The following CDHR1 variants were observed in gnomAD, a reference collection of about 807,000 sequenced individuals.
The protein encoded by CDHR1 is cadherin related family member 1, also known as cadherin-related family member 1.
CDHR1 carries 61 observed loss-of-function variants against 72.1 expected under a neutral mutation model. That is an observed-to-expected ratio of 0.85 (90% CI 0.69 to 1.05). The LOEUF (loss-of-function observed/expected upper bound fraction) is 1.05, where lower values mean the gene tolerates loss of function less well. Among genes scored for constraint, CDHR1 ranks in the 50% least tolerant of loss-of-function variants. CDHR1 has a pLI of 0.00. For missense variants in CDHR1, 1,186 were observed against 1,115.7 expected, an observed-to-expected ratio of 1.06 and a Z score of -0.90; for synonymous variants, 470 against 448.1, an observed-to-expected ratio of 1.05 and a Z score of -0.62.
In CDHR1 at chr10:84,216,433, A is replaced by G. The variant is rs765683159; in HGVS notation, c.*1812A>G. The G allele has an allele frequency of 2.3e-5, 23 of 985,390 alleles. No individual in the cohort carries two copies. Among genetic ancestry groups the G allele is most frequent in the Non-Finnish European group, 2.7e-5 (22 of 829,956 alleles). The allele number at this position is 985,390 out of a possible 1,614,324, so 61.0% of individuals were successfully genotyped here. On this transcript the variant is annotated 3_prime_UTR_variant, in exon 17 of 17. Transcript: ENST00000623527. The stretch of plus-strand genomic sequence containing the variant: ...TTTCAGGAGAGGACTGTGCTGGATC[A>G]TGCTTGCCCTCCACAGGGAATACAG...
intron 10 of CDHR1, among the ~76,000 whole-genome samples, chr10:84,207,686 T>C: frequency 6.6e-6 from 1 of 152,182 alleles, no homozygotes; most frequent in South Asian, 2.1e-4. Context: ...TCATATCTCA[T>C]AGTTTCTGTG....
At position 84,196,489 on chromosome 10, in the gene CDHR1, CTG is replaced by C. The variant is rs767478332; in HGVS notation, c.152-12_152-11del. ...GGGTCTCAGATTCTATGTCTCTCCA[CTG>C]TGTTTCCTTCCAGGCTCTCACGTAT... On this transcript the variant is annotated splice_polypyrimidine_tract_variant and intron_variant, in intron 2 of 16. Coordinates refer to ENST00000623527, the MANE Select transcript of CDHR1 (RefSeq NM_033100.4). 17 of 1,614,182 alleles carry C rather than the reference CTG, an allele frequency of 1.1e-5. No homozygotes were observed. In the Admixed American group the frequency reaches 2.8e-4, roughly 27 times the overall value.
chr10:84,208,098 C>A, intron 10 of CDHR1, 76 bp from the exon 11 acceptor site: 1 of 1,299,466 alleles, frequency 7.7e-7, no homozygotes, highest in Non-Finnish European at 1.1e-6. Flanking sequence ...ATTATACATT[C>A]TGCAGGGGAG....
Position 84,215,261 on chromosome 10 carries a change from C to T in CDHR1, c.*640C>T. ...GGCAGAGACTGTGGACCCTGGTATGCCCACGTGGGACAGAGGACACAGAGG... is the reference window on the plus strand; with the variant it reads ...GGCAGAGACTGTGGACCCTGGTATGTCCACGTGGGACAGAGGACACAGAGG... On this transcript the variant is annotated 3_prime_UTR_variant, in exon 17 of 17. Transcript: ENST00000623527. The T allele has an allele frequency of 1.0e-6, 1 of 990,124 alleles. No homozygotes were observed. Among genetic ancestry groups the T allele is most frequent in the Non-Finnish European group, 1.2e-6 (1 of 832,812 alleles). 61.3% of individuals were successfully genotyped at this position (990,124 alleles called of 1,614,324 possible). A position where few individuals can be genotyped will look rare whatever the true frequency, so the allele number is the denominator to read the frequency against.
intron 2 of CDHR1, 108 bp from the exon 3 acceptor site, chr10:84,196,397 G>A (rs1842029810): frequency 4.8e-6 from 6 of 1,253,450 alleles, no homozygotes; most frequent in Admixed American, 3.5e-5. Flanking sequence ...TTGGCACTGA[G>A]TTGAATAGTC....
Position 84,215,358 on chromosome 10 carries a change from A to C in CDHR1, c.*737A>C. 7.1e-6 allele frequency: 7 copies of C among 985,798 alleles called. No individual in the cohort carries two copies. Among genetic ancestry groups the C allele is most frequent in the Non-Finnish European group, 8.4e-6 (7 of 830,260 alleles). The allele number at this position is 985,798 out of a possible 1,614,324, so 61.1% of individuals were successfully genotyped here. ...GACTGCCCTGAGCCGCAAAATGTCA[A>C]AGCTGGAGCTATAGAGGTAGCCCTA... On this transcript the variant is annotated 3_prime_UTR_variant, in exon 17 of 17. Transcript: ENST00000623527.
At chr10:84,219,105 T>C (rs1842470297), downstream of CDHR1, 1 of 1,290,572 alleles carries the variant, frequency 7.7e-7, no homozygotes. Context: ...ACATGAAAAA[T>C]AGTAACTTCC....
Position 84,202,999 on chromosome 10 carries a change from A to T in CDHR1, c.659A>T (p.His220Leu), listed in dbSNP as rs758215316. Reference sequence around the variant, plus strand: ...CTGCAGGATGGCGGTGGGAGGCTTCATGGGGCTGATGTGGTGTTCTCAGCC... The same window carrying T: ...CTGCAGGATGGCGGTGGGAGGCTTCTTGGGGCTGATGTGGTGTTCTCAGCC... ...VVAKDGGGRL[H>L]GADVVFSATT... The change falls in exon 8 of 17, where the codon CAT becomes CTT. Residue 220 changes from histidine to leucine, a missense_variant. By Grantham distance (99) the His-to-Leu change is moderately conservative (BLOSUM62 -3). Transcript: ENST00000623527. The T allele has an allele frequency of 6.2e-7, 1 of 1,614,154 alleles. No homozygotes were observed. Among genetic ancestry groups the T allele is most frequent in the South Asian group, 1.1e-5 (1 of 91,072 alleles).
intron 15 of CDHR1, chr10:84,212,739 A>G (rs1564665118): frequency 1.9e-6 from 1 of 522,590 alleles, no homozygotes; most frequent in Admixed American, 3.3e-5. Flanking sequence ...ATGAACTCTG[A>G]AACCCAGCAG....
intron 3 of CDHR1, 44 bp from the exon 4 acceptor site, chr10:84,197,742 C>T (rs770271238): frequency 1.8e-5 from 28 of 1,573,378 alleles, no homozygotes; most frequent in African/African-American, 4.1e-5. Context: ...GGTCCTATGG[C>T]GTGTCAGACT....
chr10:84,210,951 T>C (rs2132826830), intron 12 of CDHR1, 50 bp from the exon 13 acceptor site: 1 of 1,593,516 alleles, frequency 6.3e-7, no homozygotes, highest in South Asian at 1.1e-5. Context: ...GAAGGCTCTC[T>C]GCAGCATGAG....
rs2132827132 is a variant in CDHR1, at chr10:84,211,001, C to T, written c.1321C>T (p.Leu441Phe). The change falls in exon 13 of 17, where the codon CTC becomes TTC. Residue 441 changes from leucine (L) to phenylalanine (F), a missense_variant and splice_region_variant. Coordinates refer to ENST00000623527, the MANE Select transcript of CDHR1 (RefSeq NM_033100.4). The stretch of plus-strand genomic sequence containing the variant: ...AGTCCCCATTTTCCCCCCTTCCCAG[C>T]TCCTGGCTGTTGAAGTGAACACCCC... ...FEKSKVLTFK[L>F]LAVEVNTPEK... 1.2e-6 allele frequency: 2 copies of T among 1,614,210 alleles called. No individual in the cohort carries two copies. The highest frequency in any genetic ancestry group is 2.2e-5 in the East Asian group (1 of 44,888).
rs532806113 is a variant in CDHR1 at position 84,198,267 on chromosome 10, C to T, written c.348+431C>T. Reference sequence around the variant, plus strand: ...CTCCAGGCTCTCCGACCCCAACTGCCTCTGAAGTTGTCACTATGGAACAGT... The same window carrying T: ...CTCCAGGCTCTCCGACCCCAACTGCTTCTGAAGTTGTCACTATGGAACAGT... On this transcript the variant is annotated intron_variant, in intron 4 of 16. Transcript: ENST00000623527. Among the ~76,000 whole-genome samples, 4 of 152,358 alleles carry T rather than the reference C, an allele frequency of 2.6e-5. No homozygotes were observed. In the South Asian group the frequency reaches 8.3e-4, roughly 32 times the overall value.
chr10:84,214,977 G>T lies in CDHR1; in HGVS notation c.*356G>T. The T allele has an allele frequency of 8.3e-7, 1 of 1,199,228 alleles. No homozygotes were observed. Among genetic ancestry groups the T allele is most frequent in the Non-Finnish European group, 1.0e-6 (1 of 956,296 alleles). 74.3% of individuals were successfully genotyped at this position (1,199,228 alleles called of 1,614,324 possible). A position where few individuals can be genotyped will look rare whatever the true frequency, so the allele number is the denominator to read the frequency against. ...CCTCACAGTCCCTCAGGTTCTACTG[G>T]GATCTCATCATCATCCTTAGTCAAG... is the stretch of plus-strand genomic sequence containing the variant. On this transcript the variant is annotated 3_prime_UTR_variant, in exon 17 of 17. Coordinates refer to ENST00000623527, the MANE Select transcript of CDHR1 (RefSeq NM_033100.4).
intron 5 of CDHR1, among the ~76,000 whole-genome samples, chr10:84,199,766 C>G (rs1000688050): frequency 6.6e-6 from 1 of 152,184 alleles, no homozygotes; most frequent in Admixed American, 6.5e-5. Flanking sequence ...CACACATGCC[C>G]ACAGGGTGTT....
chr10:84,195,886 G>A (rs1045194033), intron 2 of CDHR1, among the ~76,000 whole-genome samples: 3 of 152,194 alleles, frequency 2.0e-5, no homozygotes, highest in African/African-American at 7.2e-5. Context: ...TTACCTCCCT[G>A]AGCCCCAGGT....
At chr10:84,205,514 T>TCAAA in intron 9 of CDHR1, among the ~76,000 whole-genome samples, 1 of 145,118 alleles carries the variant, frequency 6.9e-6, no homozygotes, top group East Asian at 2.1e-4. Flanking sequence ...TCTCTTTTCT[T>TCAAA]CACACACACA....
At chr10:84,204,746 G>A (rs1442585886) in intron 9 of CDHR1, 141 bp downstream of exon 9, 2 of 664,946 alleles carry the variant, frequency 3.0e-6, no homozygotes, top group Non-Finnish European at 2.7e-6. Context: ...CTGTGTCCAA[G>A]ACAAGCAAGT....
chr10:84,212,746 G>C, intron 15 of CDHR1: 1 of 522,482 alleles, frequency 1.9e-6, no homozygotes, highest in Non-Finnish European at 3.4e-6. Flanking sequence ...CTGAAACCCA[G>C]CAGACTTGAC....
Sources: allele counts gnomAD v4.1 joint callset (sites outside exome capture counted in the v4.1 genomes callset), GRCh38; gene constraint gnomAD v4.1.1; transcripts MANE v1.5; gene names NCBI Gene and HGNC (gene_info 2026-07-23, HGNC 2026-07-21).